Variants in PALM2AKAP2 observed in about 807,000 individuals in gnomAD.
PALM2AKAP2 encodes PALM2 and AKAP2 fusion.
PALM2AKAP2 carries 37 observed loss-of-function variants against 71.5 expected under a neutral mutation model. The observed-to-expected ratio is 0.52, with a 90% CI of 0.40 to 0.68. PALM2AKAP2 has a LOEUF of 0.68. Ranked by LOEUF, PALM2AKAP2 falls within the 30% of genes least tolerant of loss-of-function variation. The pLI is 0.00. For missense variants in PALM2AKAP2, 1,224 were observed against 1,191.8 expected (o/e 1.03, Z -0.40); for synonymous variants, 468 against 478.8 (o/e 0.98, Z 0.29).
intron 1 of PALM2AKAP2, among the ~76,000 whole-genome samples, chr9:109,727,979 C>T (rs1429220858): frequency 1.3e-5 from 2 of 152,170 alleles, no homozygotes; most frequent in Non-Finnish European, 2.9e-5. Flanking sequence ...CTTGGGCCTC[C>T]GCAAAGGGCT....
chr9:109,765,866 C>T (rs1395672717), intron 1 of PALM2AKAP2, among the ~76,000 whole-genome samples: 2 of 152,148 alleles, frequency 1.3e-5, no homozygotes, highest in African/African-American at 2.4e-5. Context: ...TGAGTAAAAC[C>T]TCCTGAGCCT....
At chr9:109,723,327 T>A (rs1215174857) in intron 1 of PALM2AKAP2, among the ~76,000 whole-genome samples, 1 of 152,200 alleles carries the variant, frequency 6.6e-6, no homozygotes, top group African/African-American at 2.4e-5. Flanking sequence ...CGACCTTATG[T>A]AGCCATACAT....
At chr9:109,863,576 T>A (rs1270198474) in intron 1 of PALM2AKAP2, among the ~76,000 whole-genome samples, 1 of 152,144 alleles carries the variant, frequency 6.6e-6, no homozygotes, top group Non-Finnish European at 1.5e-5. Flanking sequence ...GAAGAGTTAC[T>A]GGTTTTGTCC....
intron 1 of PALM2AKAP2, among the ~76,000 whole-genome samples, chr9:110,105,169 G>A (rs1835086833): frequency 6.6e-6 from 1 of 152,156 alleles, no homozygotes; most frequent in African/African-American, 2.4e-5. Context: ...TTTACCTAGA[G>A]GCCAAATAAA....
At chr9:110,158,934 A>C (rs76328360) in intron 3 of PALM2AKAP2, among the ~76,000 whole-genome samples, 8,937 of 152,290 alleles carry the variant, frequency 0.059, 850 homozygotes, top group African/African-American at 0.2. Flanking sequence ...TATGATCATC[A>C]GTCAGGCTTC....
At chr9:110,106,590 G>A (rs1835126734) in intron 1 of PALM2AKAP2, among the ~76,000 whole-genome samples, 1 of 152,128 alleles carries the variant, frequency 6.6e-6, no homozygotes, top group Non-Finnish European at 1.5e-5. Flanking sequence ...TTAGCTTGAT[G>A]CTTACATTGT....
chr9:109,981,041 T>C (rs1189079358), intron 6 of PALM2AKAP2, among the ~76,000 whole-genome samples: 1 of 152,218 alleles, frequency 6.6e-6, no homozygotes, highest in Non-Finnish European at 1.5e-5. Flanking sequence ...CAGTGAAGAC[T>C]TCAGTGCACT....
intron 3 of PALM2AKAP2, among the ~76,000 whole-genome samples, chr9:110,159,231 C>T (rs1836537245): frequency 6.6e-6 from 1 of 152,144 alleles, no homozygotes; most frequent in Admixed American, 6.6e-5. Context: ...GGTCTCTAGC[C>T]TCCATTTACA....
chr9:110,079,441 A>AGCC (rs1834394685), intron 1 of PALM2AKAP2, among the ~76,000 whole-genome samples: 1 of 152,140 alleles, frequency 6.6e-6, no homozygotes, highest in African/African-American at 2.4e-5. Context: ...TGTTGCAGTG[A>AGCC]GCCGAGATCG....
exon 4 of PALM2AKAP2, chr9:110,169,614 G>A (rs1479994602): frequency 6.6e-6 from 1 of 152,070 alleles, no homozygotes; most frequent in Admixed American, 6.6e-5. Context: ...AGAAAGAATG[G>A]GAATAAAATA....
chr9:110,008,078 A>T (rs1284086869), intron 6 of PALM2AKAP2, among the ~76,000 whole-genome samples: 5 of 152,152 alleles, frequency 3.3e-5, no homozygotes, highest in Non-Finnish European at 5.9e-5. Flanking sequence ...GTTACACAGA[A>T]AGGTGGTGGG....
chr9:109,840,044 C>T (rs1828609612), intron 1 of PALM2AKAP2, among the ~76,000 whole-genome samples: 2 of 152,140 alleles, frequency 1.3e-5, no homozygotes, highest in African/African-American at 2.4e-5. Context: ...CAAAAAAGAG[C>T]CCGCATTGCC....
intron 1 of PALM2AKAP2, among the ~76,000 whole-genome samples, chr9:109,829,050 A>C (rs550230134): frequency 6.1e-4 from 93 of 152,374 alleles, no homozygotes; most frequent in African/African-American, 2.1e-3. Context: ...ATTACATAGG[A>C]GTTTGCTTTC....
At chr9:109,654,044 A>T (rs1827262035) in intron 1 of PALM2AKAP2, among the ~76,000 whole-genome samples, 1 of 152,376 alleles carries the variant, frequency 6.6e-6, no homozygotes, top group African/African-American at 2.4e-5. Flanking sequence ...ATGCAATCTT[A>T]TCTTTTAAAA....
chr9:110,137,163 T>C (rs774176475), exon 2 of PALM2AKAP2: 21 of 1,613,664 alleles, frequency 1.3e-5, no homozygotes, highest in Non-Finnish European at 1.5e-5. Flanking sequence ...GCAAGCATGA[T>C]TGACAAAGCA....
At chr9:109,746,335 A>G (rs1396733072) in intron 1 of PALM2AKAP2, among the ~76,000 whole-genome samples, 2 of 152,232 alleles carry the variant, frequency 1.3e-5, no homozygotes, top group Admixed American at 1.3e-4. Flanking sequence ...AGCTAGCCAG[A>G]TAACTCCATT....
chr9:109,739,786 A>T (rs1828690973), intron 1 of PALM2AKAP2, among the ~76,000 whole-genome samples: 1 of 152,072 alleles, frequency 6.6e-6, no homozygotes, highest in Non-Finnish European at 1.5e-5. Flanking sequence ...TAGCTCAGAA[A>T]CTCCATGCCT....
At chr9:109,838,751 C>A (rs1828561114) in intron 1 of PALM2AKAP2, among the ~76,000 whole-genome samples, 1 of 152,204 alleles carries the variant, frequency 6.6e-6, no homozygotes, top group Admixed American at 6.5e-5. Context: ...ATAAACACCT[C>A]TACACAAATA....
chr9:109,780,228 G>A (rs1829415745), upstream of PALM2AKAP2: 29 of 1,041,908 alleles, frequency 2.8e-5, no homozygotes, highest in Non-Finnish European at 3.3e-5. Flanking sequence ...GCGGCCGGCG[G>A]CGGCGGCGAC....
Sources: allele counts gnomAD v4.1 joint callset (sites outside exome capture counted in the v4.1 genomes callset), GRCh38; gene constraint gnomAD v4.1.1; transcripts MANE v1.5; gene names NCBI Gene and HGNC (gene_info 2026-07-23, HGNC 2026-07-21).